OPCML: variants seen among roughly 807,000 people sequenced by gnomAD.
OPCML encodes the protein opioid-binding protein/cell adhesion molecule.
OPCML carries 13 observed loss-of-function variants against 37.8 expected under a neutral mutation model. The ratio of observed to expected loss-of-function variants is 0.34; its 90% CI spans 0.22 to 0.55. The LOEUF (loss-of-function observed/expected upper bound fraction) is 0.55, where lower values mean the gene tolerates loss of function less well. Among genes scored for constraint, OPCML ranks in the 20% least tolerant of loss-of-function variants. The pLI, the probability that OPCML is intolerant of heterozygous loss-of-function variation, is 0.91. For missense variants in OPCML, 341 were observed against 435.6 expected, an observed-to-expected ratio of 0.78 and a Z score of 1.93; for synonymous variants, 176 against 168.8, an observed-to-expected ratio of 1.04 and a Z score of -0.33.
intron 2 of OPCML, among the ~76,000 whole-genome samples, chr11:132,721,138 C>A (rs1944659698): frequency 6.6e-6 from 1 of 152,040 alleles, no homozygotes; most frequent in Admixed American, 6.5e-5. Context: ...ACATTATGTG[C>A]CAGGGTGTTT....
rs879535484 is a variant in OPCML, at chr11:133,127,632, C to CAA, written c.62-184624_62-184623dup. 5.3e-3 allele frequency among the ~76,000 whole-genome samples: 575 copies of CAA among 107,590 alleles called. 1 individual carries two copies. The highest frequency in any genetic ancestry group is 0.02 in the African/African-American group (554 of 27,732). The allele number at this position is 107,590 out of a possible 152,430, so 70.6% of individuals were successfully genotyped here. A position where few individuals can be genotyped will look rare whatever the true frequency, so the allele number is the denominator to read the frequency against. On this transcript the variant is annotated intron_variant, in intron 1 of 7. Transcript: ENST00000524381. ...TGGGTGACAGAGAGAGGCTCTGTCT[C>CAA]AAAAAAAAAAAAAAGTCATTTATCT...
intron 1 of OPCML, among the ~76,000 whole-genome samples, chr11:133,482,428 A>G (rs1381463870): frequency 1.3e-5 from 2 of 152,306 alleles, no homozygotes; most frequent in South Asian, 2.1e-4. Context: ...CAGCAAAAAT[A>G]TCAACAATGT....
chr11:132,899,340 T>G (rs746923200), intron 2 of OPCML, among the ~76,000 whole-genome samples: 14 of 152,210 alleles, frequency 9.2e-5, no homozygotes, highest in Non-Finnish European at 1.9e-4. Context: ...TATCTTTGGT[T>G]TTGCTCATCT....
chr11:132,513,220 G>A (rs2096272597), intron 4 of OPCML, among the ~76,000 whole-genome samples: 1 of 152,096 alleles, frequency 6.6e-6, no homozygotes, highest in Non-Finnish European at 1.5e-5. Flanking sequence ...AAAGAGGAAA[G>A]CAGATAAGGG....
At chr11:133,030,795 C>T (rs1008823472) in intron 1 of OPCML, among the ~76,000 whole-genome samples, 7 of 152,138 alleles carry the variant, frequency 4.6e-5, no homozygotes, top group Admixed American at 4.6e-4. Context: ...AGTCTGAACT[C>T]CTGCCATTTT....
chr11:133,172,332 A>T (rs990423377), intron 1 of OPCML, among the ~76,000 whole-genome samples: 1 of 152,230 alleles, frequency 6.6e-6, no homozygotes, highest in Non-Finnish European at 1.5e-5. Context: ...AGTGCAAGAC[A>T]GCACCGAGTG....
chr11:133,429,546 G>A (rs930416006), intron 1 of OPCML, among the ~76,000 whole-genome samples: 10 of 152,188 alleles, frequency 6.6e-5, no homozygotes, highest in Non-Finnish European at 1.3e-4. Flanking sequence ...AAATTGGGAA[G>A]ACCAGTGGAA....
chr11:133,217,696 G>T (rs1027027867), intron 1 of OPCML, among the ~76,000 whole-genome samples: 2 of 152,166 alleles, frequency 1.3e-5, no homozygotes, highest in African/African-American at 4.8e-5. Context: ...GGGATTTCTG[G>T]CAGAGGTTTA....
Position 133,008,551 on chromosome 11 carries a change from G to A in OPCML, c.62-65541C>T, listed in dbSNP as rs762710734. The A allele has an allele frequency of 1.3e-4, 71 of 548,614 alleles. No individual in the cohort carries two copies. In the Admixed American group the frequency reaches 2.8e-3, roughly 22 times the overall value. 34.0% of individuals were successfully genotyped at this position (548,614 alleles called of 1,614,324 possible). A position where few individuals can be genotyped will look rare whatever the true frequency, so the allele number is the denominator to read the frequency against. ...AAGGCTCCCAGCTGAGCCTCTCTCTGGGAACTGCCCTCAGTGGACAAAAGC... is the reference window on the plus strand; with the variant it reads ...AAGGCTCCCAGCTGAGCCTCTCTCTAGGAACTGCCCTCAGTGGACAAAAGC... On this transcript the variant is annotated intron_variant, in intron 1 of 7. Transcript: ENST00000524381.
intron 7 of OPCML, among the ~76,000 whole-genome samples, chr11:132,423,107 G>A (rs2095965705): frequency 6.6e-6 from 1 of 152,200 alleles, no homozygotes; most frequent in Non-Finnish European, 1.5e-5. Flanking sequence ...TCAGTTGAAA[G>A]AAAACCGTCA....
intron 3 of OPCML, among the ~76,000 whole-genome samples, chr11:132,648,811 C>T (rs781218310): frequency 2.6e-5 from 4 of 152,122 alleles, no homozygotes; most frequent in African/African-American, 9.7e-5. Context: ...AGGGTCCACC[C>T]GTGATTTGTT....
intron 3 of OPCML, among the ~76,000 whole-genome samples, chr11:132,554,232 C>G (rs2096389147): frequency 6.6e-6 from 1 of 152,204 alleles, no homozygotes; most frequent in African/African-American, 2.4e-5. Context: ...CCACAGCCAT[C>G]AAACTGTGTT....
intron 1 of OPCML, among the ~76,000 whole-genome samples, chr11:133,336,629 G>T (rs1943749641): frequency 6.6e-6 from 1 of 152,196 alleles, no homozygotes; most frequent in African/African-American, 2.4e-5. Flanking sequence ...TAGTTTAAAA[G>T]AAATCAATTT....
intron 1 of OPCML, among the ~76,000 whole-genome samples, chr11:133,391,834 T>C (rs1225692531): frequency 6.6e-6 from 1 of 152,064 alleles, no homozygotes; most frequent in African/African-American, 2.4e-5. Context: ...AATCTGAGAG[T>C]TAGGCTTTAT....
chr11:132,909,109 C>T (rs1033960551), intron 2 of OPCML, among the ~76,000 whole-genome samples: 1 of 152,214 alleles, frequency 6.6e-6, no homozygotes, highest in Non-Finnish European at 1.5e-5. Context: ...CGAGGAGCAG[C>T]TTCAGCTGCA....
intron 1 of OPCML, among the ~76,000 whole-genome samples, chr11:133,178,448 T>C (rs1216251709): frequency 6.6e-6 from 1 of 151,886 alleles, no homozygotes; most frequent in African/African-American, 2.4e-5. Flanking sequence ...AATATATATA[T>C]ATATGAATAT....
In OPCML at chr11:133,471,622, T is replaced by TA. The variant is rs201473750; in HGVS notation, c.61+60641dup. Among the ~76,000 whole-genome samples, 545 of 152,002 alleles carry TA rather than the reference T, an allele frequency of 3.6e-3. 4 individuals are homozygous for TA. Among genetic ancestry groups the TA allele is most frequent in the African/African-American group, 0.012 (487 of 41,450 alleles). On this transcript the variant is annotated intron_variant, in intron 1 of 7. Transcript: ENST00000524381. ...TTTTAAAATATGAAACATGATTTCTTAAAAAAAACAAGAGTAAAAAACCGG... is the reference window on the plus strand; with the variant it reads ...TTTTAAAATATGAAACATGATTTCTTAAAAAAAAACAAGAGTAAAAAACCGG...
chr11:132,636,592 A>G lies in OPCML; in HGVS notation c.379+20495T>C, dbSNP rs537480650. Reference sequence around the variant, plus strand: ...GCATTTATTCTGGCTTTTCTCGGAAAAGAAATAGCGAATGTGAGGATACAC... The same window carrying G: ...GCATTTATTCTGGCTTTTCTCGGAAGAGAAATAGCGAATGTGAGGATACAC... On this transcript the variant is annotated intron_variant, in intron 3 of 7. Coordinates refer to ENST00000524381, the MANE Select transcript of OPCML (RefSeq NM_001012393.5). 4.5e-4 allele frequency among the ~76,000 whole-genome samples: 69 copies of G among 152,348 alleles called. 1 individual carries two copies. Among genetic ancestry groups the G allele is most frequent in the Non-Finnish European group, 8.4e-4 (57 of 68,032 alleles).
intron 3 of OPCML, among the ~76,000 whole-genome samples, chr11:132,596,810 A>G (rs1328795653): frequency 6.6e-6 from 1 of 152,226 alleles, no homozygotes; most frequent in Non-Finnish European, 1.5e-5. Context: ...GAGCCACAGG[A>G]ATTGGCTTCC....
Sources: allele counts gnomAD v4.1 joint callset (sites outside exome capture counted in the v4.1 genomes callset), GRCh38; gene constraint gnomAD v4.1.1; transcripts MANE v1.5; gene names NCBI Gene and HGNC (gene_info 2026-07-23, HGNC 2026-07-21).